ZNF341: variants seen among roughly 807,000 people sequenced by gnomAD.
The protein encoded by ZNF341 is zinc finger protein 341.
Under a neutral mutation model 87.7 loss-of-function variants are expected in ZNF341, and 52 were observed. The observed-to-expected ratio is 0.59, with a 90% CI of 0.47 to 0.75. ZNF341 has a LOEUF of 0.75. Among genes scored for constraint, ZNF341 ranks in the 30% least tolerant of loss-of-function variants. ZNF341 has a pLI of 0.00. For missense variants in ZNF341, 977 were observed against 1,145.9 expected (o/e 0.85, Z 2.13); for synonymous variants, 459 against 472.7 (o/e 0.97, Z 0.38).
chr20:33,743,770 A>C (rs907878857), intron 2 of ZNF341, among the ~76,000 whole-genome samples: 1 of 152,244 alleles, frequency 6.6e-6, no homozygotes, highest in Non-Finnish European at 1.5e-5. Flanking sequence ...GGCCCTCAGC[A>C]ATGGATGGTG....
chr20:33,781,707 T>TTA (rs1248592418), intron 11 of ZNF341, among the ~76,000 whole-genome samples: 2 of 151,734 alleles, frequency 1.3e-5, no homozygotes, highest in Non-Finnish European at 2.9e-5. Context: ...TTTAATTTTT[T>TTA]TTTTTTTTTG....
At position 33,791,252 on chromosome 20, in the gene ZNF341, TGCCTGACCCGCTG is replaced by T. The variant is rs773651476; in HGVS notation, c.2302_2314del (p.Pro768GlyfsTer5). Reference sequence around the variant, plus strand: ...GGTGGGCGCAAGGTGCTGACCCCCTTGCCTGACCCGCTGGGGCTGGAGGAGCTGAAGGACACAG... The same window carrying T: ...GGTGGGCGCAAGGTGCTGACCCCCTTGGGCTGGAGGAGCTGAAGGACACAG... On this transcript the variant is annotated frameshift_variant, in exon 15 of 15. Transcript: ENST00000375200. LOFTEE classifies it high-confidence loss of function. The T allele has an allele frequency of 2.5e-6, 4 of 1,611,972 alleles. No homozygotes were observed. In the South Asian group the frequency reaches 4.4e-5, roughly 18 times the overall value.
At chr20:33,767,830 T>C (rs1488699017) in intron 9 of ZNF341, among the ~76,000 whole-genome samples, 2 of 152,170 alleles carry the variant, frequency 1.3e-5, no homozygotes, top group Admixed American at 6.6e-5. Context: ...GTAGGCAGCG[T>C]TGGGCTTATA....
intron 4 of ZNF341, among the ~76,000 whole-genome samples, chr20:33,752,869 T>C (rs1277293719): frequency 1.3e-5 from 2 of 151,964 alleles, no homozygotes; most frequent in Non-Finnish European, 2.9e-5. Flanking sequence ...CAAGGTTGTC[T>C]CGATCTCCTG....
chr20:33,774,277 CAGAG>C (rs1034319742), intron 10 of ZNF341, among the ~76,000 whole-genome samples: 1 of 151,884 alleles, frequency 6.6e-6, no homozygotes, highest in Non-Finnish European at 1.5e-5. Context: ...GCCTGGGTGA[CAGAG>C]AGAGAGACTC....
intron 7 of ZNF341, among the ~76,000 whole-genome samples, chr20:33,759,070 G>A (rs1463927723): frequency 6.6e-6 from 1 of 152,136 alleles, no homozygotes; most frequent in Non-Finnish European, 1.5e-5. Context: ...ACTGAACCCA[G>A]AGGGGTTTCA....
intron 10 of ZNF341, among the ~76,000 whole-genome samples, chr20:33,772,431 T>A (rs1430594185): frequency 6.6e-6 from 1 of 152,212 alleles, no homozygotes; most frequent in African/African-American, 2.4e-5. Flanking sequence ...GTGAAGCTTC[T>A]GGGGTTCAGA....
rs750711604 is a variant in ZNF341, at chr20:33,758,782, T to C, written c.1004T>C (p.Phe335Ser). 6.2e-7 allele frequency: 1 copy of C among 1,613,966 alleles called. No homozygotes were observed. Among genetic ancestry groups the C allele is most frequent in the Non-Finnish European group, 8.5e-7 (1 of 1,179,992 alleles). ...TGTGACAAGTCATTCACCAAAAACT[T>C]TGACCTGCAGCAGCACATCCGAAGG... ...SYCDKSFTKNFDLQQHIRSHT... is the reference protein window; with the variant it reads ...SYCDKSFTKNSDLQQHIRSHT... The change falls in exon 7 of 15, where the codon TTT becomes TCT. Residue 335 changes from phenylalanine to serine, a missense_variant. Physicochemically the swap from Phe to Ser is radical, Grantham distance 155. Coordinates refer to ENST00000375200, the MANE Select transcript of ZNF341 (RefSeq NM_001282933.2).
chr20:33,789,374 C>A, intron 13 of ZNF341, 144 bp from the exon 14 acceptor site: 1 of 789,038 alleles, frequency 1.3e-6, no homozygotes, highest in South Asian at 1.5e-5. Flanking sequence ...GTCCTGGGCC[C>A]TGCCTGCCTC....
At position 33,782,420 on chromosome 20, in the gene ZNF341, G is replaced by A. The variant is rs6120377; in HGVS notation, c.1719+1033G>A. On this transcript the variant is annotated intron_variant, in intron 11 of 14. Transcript: ENST00000375200. ...TTTGCTGATTACGTCTCCCTGGTGT[G>A]TTTAACTTGCTTCTTCACTCTACTC... Among the ~76,000 whole-genome samples, 867 of 152,296 alleles carry A rather than the reference G, an allele frequency of 5.7e-3. 10 individuals are homozygous for A. Among genetic ancestry groups the A allele is most frequent in the African/African-American group, 0.02 (818 of 41,562 alleles).
At chr20:33,764,681 A>G (rs1208384394) in intron 8 of ZNF341, among the ~76,000 whole-genome samples, 1 of 144,322 alleles carries the variant, frequency 6.9e-6, no homozygotes, top group East Asian at 2.0e-4. Context: ...TTAACCCGAT[A>G]TATTAACATT....
rs2122615718 is a variant in ZNF341, at chr20:33,732,955, T to C, written c.31+903T>C. Among the ~76,000 whole-genome samples the C allele has an allele frequency of 6.6e-6, 1 of 152,268 alleles. No individual in the cohort carries two copies. The highest frequency in any genetic ancestry group is 2.1e-4 in the South Asian group (1 of 4,828). On this transcript the variant is annotated intron_variant, in intron 1 of 14. Transcript: ENST00000375200. This position sits in a 1 kb window ranked among gnomAD's most constrained non-coding sequence, Gnocchi z 4.5. ...TTGGAGGAGTGGGATGAGATGAGTA[T>C]ACAGATAGGGTGCAAACTCGAAGTA...
chr20:33,775,150 A>T (rs1390216522), intron 10 of ZNF341, among the ~76,000 whole-genome samples: 1 of 151,944 alleles, frequency 6.6e-6, no homozygotes, highest in African/African-American at 2.4e-5. Context: ...CTTCGGAAGT[A>T]CATCTTTGCT....
At chr20:33,789,139 G>A (rs2019942161) in intron 13 of ZNF341, among the ~76,000 whole-genome samples, 165 bp downstream of exon 13, 1 of 151,470 alleles carries the variant, frequency 6.6e-6, no homozygotes, top group Admixed American at 6.6e-5. Flanking sequence ...GCAGTGGTAA[G>A]ATCTTGTCTC....
chr20:33,767,639 T>A (rs2019437115), intron 9 of ZNF341, among the ~76,000 whole-genome samples: 1 of 152,206 alleles, frequency 6.6e-6, no homozygotes, highest in Non-Finnish European at 1.5e-5. Context: ...TATCTCTTCT[T>A]TATCTTTTAT....
Position 33,753,418 on chromosome 20 carries a change from C to T in ZNF341, c.736C>T (p.Leu246=), listed in dbSNP as rs748479688. 1.3e-6 allele frequency: 2 copies of T among 1,597,552 alleles called. No homozygotes were observed. Among genetic ancestry groups the T allele is most frequent in the African/African-American group, 1.3e-5 (1 of 74,686 alleles). The change falls in exon 5 of 15, where the codon CTA becomes TTA. Residue 246 remains leucine (L), a synonymous_variant. Coordinates refer to ENST00000375200, the MANE Select transcript of ZNF341 (RefSeq NM_001282933.2). The stretch of plus-strand genomic sequence containing the variant: ...ACTGGGGATGCAGCCCTACCCACCC[C>T]TAGAGGTGAGCAGAGGGGGCAGGGT... ...QALGMQPYPP[L]EVPNQCVEPP...
At chr20:33,733,779 C>G (rs1312315491) in intron 1 of ZNF341, among the ~76,000 whole-genome samples, 1 of 152,204 alleles carries the variant, frequency 6.6e-6, no homozygotes, top group Non-Finnish European at 1.5e-5. Flanking sequence ...GAGACAGACA[C>G]TCCCTGTAGT....
chr20:33,757,683 G>A (rs527670585), intron 6 of ZNF341, among the ~76,000 whole-genome samples: 2 of 152,232 alleles, frequency 1.3e-5, no homozygotes, highest in South Asian at 2.1e-4. Flanking sequence ...AATATTCCAG[G>A]CAGTAAGAAG....
chr20:33,735,175 C>T (rs146556344), intron 1 of ZNF341, among the ~76,000 whole-genome samples: 3,176 of 151,560 alleles, frequency 0.021, 109 homozygotes, highest in African/African-American at 0.072. Context: ...GGATTACAGG[C>T]GCTTACCACC....
Sources: allele counts gnomAD v4.1 joint callset (sites outside exome capture counted in the v4.1 genomes callset), GRCh38; gene constraint gnomAD v4.1.1; non-coding constraint Gnocchi (gnomAD v3.1); transcripts MANE v1.5; gene names NCBI Gene and HGNC (gene_info 2026-07-23, HGNC 2026-07-21).